ODF2L: variants seen among roughly 807,000 people sequenced by gnomAD.
ODF2L encodes outer dense fiber of sperm tails 2 like.
Under a neutral mutation model 86.3 loss-of-function variants are expected in ODF2L, and 76 were observed. The ratio of observed to expected loss-of-function variants is 0.88; its 90% confidence interval spans 0.73 to 1.07. The LOEUF is 1.07. ODF2L is among the 50% of genes least tolerant of loss of function. The pLI, the probability that ODF2L is intolerant of heterozygous loss-of-function variation, is 0.00. For synonymous variants in ODF2L, 241 were observed against 231.3 expected, an observed-to-expected ratio of 1.04 and a Z score of -0.38; for missense variants, 748 against 717.4, an observed-to-expected ratio of 1.04 and a Z score of -0.49.
At chr1:86,380,989 A>C (rs1660544788) in intron 7 of ODF2L, among the ~76,000 whole-genome samples, 4 of 151,950 alleles carry the variant, frequency 2.6e-5, no homozygotes. Context: ...AACAAAAAAA[A>C]ACCACTGTCA....
chr1:86,352,887 T>C, exon 17 of ODF2L: 2 of 1,550,224 alleles, frequency 1.3e-6, no homozygotes. Flanking sequence ...AAGTTGATTT[T>C]GTTCTTCATT....
intron 14 of ODF2L, chr1:86,355,178 A>G: frequency 7.3e-6 from 4 of 551,058 alleles, no homozygotes; most frequent in Non-Finnish European, 9.7e-6. Context: ...GGAAAATTTT[A>G]AGCAGTATTA....
At chr1:86,355,193 C>A (rs1052229234) in intron 14 of ODF2L, 6 of 594,098 alleles carry the variant, frequency 1.0e-5, no homozygotes, top group Non-Finnish European at 1.8e-5. Context: ...GTATTAATCT[C>A]CTATTTTTGG....
At chr1:86,392,460 A>G (rs1369215354) in intron 1 of ODF2L, among the ~76,000 whole-genome samples, 1 of 152,220 alleles carries the variant, frequency 6.6e-6, no homozygotes, top group African/African-American at 2.4e-5. Flanking sequence ...TAATATATAC[A>G]TGATAAAATA....
intron 7 of ODF2L, among the ~76,000 whole-genome samples, chr1:86,379,098 T>G (rs973892048): frequency 9.2e-5 from 14 of 152,256 alleles, no homozygotes; most frequent in Admixed American, 3.9e-4. Flanking sequence ...GATGCCTCAC[T>G]CCCCACTTGT....
chr1:86,353,017 G>A, intron 16 of ODF2L, 33 bp from the exon 16 acceptor site: 1 of 1,370,286 alleles, frequency 7.3e-7, no homozygotes. Flanking sequence ...AAAATAAAGT[G>A]CTTTCTTTAA....
At chr1:86,348,770 A>T (rs555592277), downstream of ODF2L, 90 of 1,518,132 alleles carry the variant, frequency 5.9e-5, no homozygotes, top group East Asian at 2.2e-3. Flanking sequence ...ATTGTTACAT[A>T]AGAAGTTTTA....
In ODF2L at chr1:86,354,520, C is replaced by T. The variant is rs1292065881; in HGVS notation, c.1767+10G>A. 1 of 1,549,512 alleles carries T rather than the reference C, an allele frequency of 6.5e-7. No individual in the cohort carries two copies. Among genetic ancestry groups the T allele is most frequent in the Admixed American group, 1.9e-5 (1 of 52,658 alleles). ...GAATTAAAAAGTTTCTAAATAAAGG[C>T]CATGCATACCTTTTGTCTTCCTTCT... On this transcript the variant is annotated intron_variant, in intron 16 of 17. Coordinates refer to ENST00000317336, the Ensembl canonical transcript of ODF2L.
chr1:86,388,102 A>C (rs1325336834), intron 1 of ODF2L, among the ~76,000 whole-genome samples: 2 of 152,082 alleles, frequency 1.3e-5, no homozygotes, highest in Admixed American at 6.6e-5. Context: ...GTATGGTCAC[A>C]TTTTTTAAAT....
intron 12 of ODF2L, among the ~76,000 whole-genome samples, chr1:86,359,489 G>GC (rs1406406330): frequency 6.7e-6 from 1 of 149,346 alleles, no homozygotes; most frequent in Non-Finnish European, 1.5e-5. Context: ...CCACACTTTG[G>GC]CCCCCTTAAG....
In ODF2L at chr1:86,377,138, CA is replaced by C. The variant is rs1244937153; in HGVS notation, c.625-721del. ...CCCATTCCAAATGAAATAAATTGGCCAAAAAAAAGGGGGCTACAGGACCCAT... is the reference window on the plus strand; with the variant it reads ...CCCATTCCAAATGAAATAAATTGGCCAAAAAAAGGGGGCTACAGGACCCAT... On this transcript the variant is annotated intron_variant, in intron 7 of 17. Transcript: ENST00000317336. 2.6e-5 allele frequency among the ~76,000 whole-genome samples: 4 copies of C among 151,358 alleles called. 1 individual carries two copies. The highest frequency in any genetic ancestry group is 3.9e-4 in the East Asian group (2 of 5,146).
At chr1:86,393,230 A>G (rs1188207171) in intron 1 of ODF2L, among the ~76,000 whole-genome samples, 2 of 152,214 alleles carry the variant, frequency 1.3e-5, no homozygotes, top group Non-Finnish European at 2.9e-5. Flanking sequence ...AAATTCTTAG[A>G]AAACTAACTT....
At chr1:86,386,777 T>C (rs1289972597) in intron 2 of ODF2L, 138 bp downstream of exon 2, 1 of 492,360 alleles carries the variant, frequency 2.0e-6, no homozygotes, top group Admixed American at 3.9e-5. Flanking sequence ...ATTAAATATA[T>C]TTTAATAAAT....
At chr1:86,392,239 T>G (rs1290057056) in intron 1 of ODF2L, among the ~76,000 whole-genome samples, 1 of 152,196 alleles carries the variant, frequency 6.6e-6, no homozygotes, top group African/African-American at 2.4e-5. Context: ...TTGGTGGGAA[T>G]GTAAACTAGT....
chr1:86,393,372 A>G (rs1661463975), intron 1 of ODF2L, among the ~76,000 whole-genome samples: 2 of 143,292 alleles, frequency 1.4e-5, no homozygotes, highest in South Asian at 4.4e-4. Flanking sequence ...TTTACTAGAG[A>G]GGTAATTGTA....
At chr1:86,356,495 G>C (rs1306522094) in exon 14 of ODF2L, 2 of 1,613,794 alleles carry the variant, frequency 1.2e-6, no homozygotes, top group African/African-American at 2.7e-5. Context: ...ACTTCCCCTT[G>C]CAGCACTGCA....
chr1:86,353,620 G>C (rs1354955859), intron 16 of ODF2L, among the ~76,000 whole-genome samples: 2 of 152,176 alleles, frequency 1.3e-5, no homozygotes, highest in East Asian at 3.9e-4. Context: ...TGAGAGTAGA[G>C]GCAGGGACTG....
chr1:86,392,826 A>T (rs570841044), intron 1 of ODF2L, among the ~76,000 whole-genome samples: 1 of 152,246 alleles, frequency 6.6e-6, no homozygotes, highest in Non-Finnish European at 1.5e-5. Flanking sequence ...AAAAATTTTA[A>T]AAAACCATTT....
At chr1:86,385,351 G>T in intron 3 of ODF2L, 107 bp downstream of exon 3, 1 of 622,846 alleles carries the variant, frequency 1.6e-6, no homozygotes, top group Non-Finnish European at 2.7e-6. Flanking sequence ...TTTTTGGTAT[G>T]AAATACTCAT....
Sources: allele counts gnomAD v4.1 joint callset (sites outside exome capture counted in the v4.1 genomes callset), GRCh38; gene constraint gnomAD v4.1.1; transcripts MANE v1.5; gene names NCBI Gene and HGNC (gene_info 2026-07-23, HGNC 2026-07-21).